Variants in UBR3 observed in about 807,000 individuals in gnomAD.
UBR3 encodes the protein ubiquitin protein ligase E3 component n-recognin 3.
UBR3 carries 85 observed loss-of-function variants against 243.2 expected under a neutral mutation model. That is an observed-to-expected ratio of 0.35 (90% CI 0.29 to 0.42). The LOEUF (loss-of-function observed/expected upper bound fraction) is 0.42. Ranked by LOEUF, UBR3 falls within the 10% of genes least tolerant of loss-of-function variation. UBR3 has a pLI of 1.00. For synonymous variants in UBR3, 748 were observed against 799.8 expected (o/e 0.94, Z 1.09); for missense variants, 1,686 against 2,300.8 (o/e 0.73, Z 5.47).
chr2:169,915,684 A>T (rs769626096), intron 11 of UBR3, among the ~76,000 whole-genome samples: 5 of 152,162 alleles, frequency 3.3e-5, no homozygotes, highest in Non-Finnish European at 5.9e-5. Context: ...GTTCTTTACT[A>T]ATGATGTTCC....
intron 31 of UBR3, among the ~76,000 whole-genome samples, chr2:170,035,452 T>C (rs1049899717): frequency 2.6e-5 from 4 of 151,996 alleles, no homozygotes; most frequent in Admixed American, 6.6e-5. Context: ...TTTACTCCTT[T>C]GTTAAAGTCA....
intron 25 of UBR3, among the ~76,000 whole-genome samples, chr2:169,993,400 C>A (rs1368601909): frequency 6.6e-6 from 1 of 152,114 alleles, no homozygotes; most frequent in Non-Finnish European, 1.5e-5. Context: ...GATCCACAAT[C>A]GAATAAAAGA....
At chr2:170,058,155 C>T (rs1341085707) in intron 33 of UBR3, among the ~76,000 whole-genome samples, 3 of 152,034 alleles carry the variant, frequency 2.0e-5, no homozygotes, top group Non-Finnish European at 4.4e-5. Context: ...TATTTTTTCA[C>T]TTCCTTCTTT....
intron 35 of UBR3, 37 bp from the exon 36 acceptor site, chr2:170,073,391 G>A: frequency 1.2e-6 from 2 of 1,608,528 alleles, no homozygotes; most frequent in Non-Finnish European, 1.7e-6. Context: ...TGTTCTTGAT[G>A]AAATATTTTC....
chr2:169,998,786 GAAGTGTAACACATGGGA>G (rs2089589100), intron 26 of UBR3, among the ~76,000 whole-genome samples: 1 of 152,198 alleles, frequency 6.6e-6, no homozygotes, highest in African/African-American at 2.4e-5. Context: ...GTAGAAACTG[GAAGTGTAACACATGGGA>G]AATATGACAC....
At chr2:170,065,743 T>G (rs1209695683) in intron 35 of UBR3, among the ~76,000 whole-genome samples, 1 of 152,194 alleles carries the variant, frequency 6.6e-6, no homozygotes, top group Non-Finnish European at 1.5e-5. Context: ...TTATATAGTT[T>G]TCTGACTGGC....
intron 11 of UBR3, among the ~76,000 whole-genome samples, chr2:169,920,677 A>G (rs1384913979): frequency 6.6e-6 from 1 of 152,028 alleles, no homozygotes; most frequent in Non-Finnish European, 1.5e-5. Flanking sequence ...TAACGTTACC[A>G]TTTCAGGCAT....
At chr2:170,030,619 A>G (rs1470521464) in intron 31 of UBR3, among the ~76,000 whole-genome samples, 2 of 152,106 alleles carry the variant, frequency 1.3e-5, no homozygotes, top group Non-Finnish European at 2.9e-5. Context: ...CAATATTACT[A>G]CTAACCATAA....
chr2:169,976,552 T>C (rs2088456001), intron 24 of UBR3, among the ~76,000 whole-genome samples: 1 of 152,070 alleles, frequency 6.6e-6, no homozygotes, highest in Non-Finnish European at 1.5e-5. Flanking sequence ...GGCAATTCTT[T>C]TCTTTCAAAA....
intron 24 of UBR3, among the ~76,000 whole-genome samples, chr2:169,977,670 G>A (rs1159939655): frequency 6.6e-6 from 1 of 152,170 alleles, no homozygotes; most frequent in Admixed American, 6.5e-5. Flanking sequence ...TTTACCCACA[G>A]TCTGTTGGAT....
At chr2:169,983,929 GA>G (rs1242467407) in intron 24 of UBR3, among the ~76,000 whole-genome samples, 5 of 152,188 alleles carry the variant, frequency 3.3e-5, no homozygotes, top group Non-Finnish European at 7.4e-5. Context: ...GAATTGAACT[GA>G]AAGTTAAAGT....
In UBR3 at chr2:170,029,339, T is replaced by G; in HGVS notation, c.4454-7T>G. 6.3e-7 allele frequency: 1 copy of G among 1,589,586 alleles called. No homozygotes were observed. The highest frequency in any genetic ancestry group is 8.5e-7 in the Non-Finnish European group (1 of 1,171,552). On this transcript the variant is annotated splice_region_variant and splice_polypyrimidine_tract_variant and intron_variant, in intron 30 of 38. Transcript: ENST00000272793. Reference sequence around the variant, plus strand: ...CTTTCTAATTACCTTTTCTTCAATTTTTTCAGATCAGCTGTTTCATGTATT... The same window carrying G: ...CTTTCTAATTACCTTTTCTTCAATTGTTTCAGATCAGCTGTTTCATGTATT...
chr2:169,876,098 T>A (rs1158333920), intron 3 of UBR3, 149 bp downstream of exon 3: 1 of 770,356 alleles, frequency 1.3e-6, no homozygotes, highest in Non-Finnish European at 1.8e-6. Context: ...TTTTTTTTTT[T>A]TTTGAGACGG....
At chr2:169,842,987 C>T (rs147374465) in intron 1 of UBR3, among the ~76,000 whole-genome samples, 2 of 152,338 alleles carry the variant, frequency 1.3e-5, no homozygotes, top group East Asian at 3.9e-4. Context: ...ATCCATATTT[C>T]TACCAACATT....
At chr2:169,947,172 C>T (rs1224756898) in intron 21 of UBR3, among the ~76,000 whole-genome samples, 1 of 151,946 alleles carries the variant, frequency 6.6e-6, no homozygotes, top group Non-Finnish European at 1.5e-5. Context: ...ATTAGTGATA[C>T]CTTTGGTTGA....
At chr2:169,900,724 G>A (rs17554492) in intron 8 of UBR3, among the ~76,000 whole-genome samples, 9,893 of 151,546 alleles carry the variant, frequency 0.065, 340 homozygotes, top group Non-Finnish European at 0.084. Context: ...TTGGGAACAA[G>A]ATGAGTCTTA....
intron 1 of UBR3, among the ~76,000 whole-genome samples, chr2:169,839,342 G>A (rs547612277): frequency 6.6e-6 from 1 of 152,312 alleles, no homozygotes; most frequent in Non-Finnish European, 1.5e-5. Context: ...ATAAAGAGTA[G>A]ATTGGTGGTT....
chr2:169,840,675 C>G (rs1298455107), intron 1 of UBR3, among the ~76,000 whole-genome samples: 1 of 152,156 alleles, frequency 6.6e-6, no homozygotes, highest in Non-Finnish European at 1.5e-5. Flanking sequence ...CGTGTGGACT[C>G]TGCTGCTGAC....
chr2:170,005,179 G>A (rs142451369), intron 27 of UBR3, among the ~76,000 whole-genome samples: 7,930 of 152,206 alleles, frequency 0.052, 399 homozygotes, highest in African/African-American at 0.13. Flanking sequence ...AGCTGAGATC[G>A]CGCCACTGCA....
Sources: allele counts gnomAD v4.1 joint callset (sites outside exome capture counted in the v4.1 genomes callset), GRCh38; gene constraint gnomAD v4.1.1; transcripts MANE v1.5; gene names NCBI Gene and HGNC (gene_info 2026-07-23, HGNC 2026-07-21).